GRIA3: variants seen among roughly 807,000 people sequenced by gnomAD.
GRIA3 encodes glutamate ionotropic receptor AMPA type subunit 3, also known as glutamate receptor 3.
In GRIA3, 3 loss-of-function variants were observed where a neutral mutation model predicts 63.0. The observed-to-expected ratio is 0.05, with a 90% CI of 0.02 to 0.12. The LOEUF is 0.12. GRIA3 is among the 10% of genes least tolerant of loss of function. The pLI is 1.00. For synonymous variants in GRIA3, 274 were observed against 257.9 expected (o/e 1.06, Z -0.60); for missense variants, 347 against 700.9 (o/e 0.50, Z 5.70).
At chrX:123,421,958 A>T in intron 11 of GRIA3, among the ~76,000 whole-genome samples, 1 of 111,704 alleles carries the variant, frequency 9.0e-6, no homozygotes, top group Non-Finnish European at 1.9e-5. Flanking sequence ...AGGGAACAGC[A>T]CCCGAAGGAT....
At chrX:123,339,295 A>G (rs1388291871) in intron 4 of GRIA3, among the ~76,000 whole-genome samples, 2 of 112,362 alleles carry the variant, frequency 1.8e-5, no homozygotes, top group Non-Finnish European at 3.8e-5. Context: ...GAAAAAGAAA[A>G]CAGAAGGCTA....
chrX:123,285,429 T>G (rs772906386), intron 3 of GRIA3, among the ~76,000 whole-genome samples: 1 of 109,678 alleles, frequency 9.1e-6, no homozygotes, highest in Admixed American at 9.8e-5. Flanking sequence ...ACAGGATAAA[T>G]GCCGCAATTA....
chrX:123,338,646 G>T (rs1456762041), intron 4 of GRIA3, among the ~76,000 whole-genome samples: 1 of 111,969 alleles, frequency 8.9e-6, no homozygotes, highest in Non-Finnish European at 1.9e-5. Context: ...CGCCTCCCGG[G>T]TTCAAGCAAT....
At chrX:123,471,943 C>G (rs1241999356) in intron 13 of GRIA3, among the ~76,000 whole-genome samples, 1 of 82,250 alleles carries the variant, frequency 1.2e-5, no homozygotes, top group African/African-American at 4.5e-5. Flanking sequence ...TTTCATCTAG[C>G]ATTGAAGCAA....
intron 3 of GRIA3, among the ~76,000 whole-genome samples, chrX:123,275,634 C>A (rs748971944): frequency 2.9e-4 from 33 of 112,239 alleles, no homozygotes; most frequent in Non-Finnish European, 4.7e-4. Context: ...CTAACCACCA[C>A]TGGGCTCTTG....
At chrX:123,370,181 A>G (rs2045238367) in intron 5 of GRIA3, among the ~76,000 whole-genome samples, 1 of 112,040 alleles carries the variant, frequency 8.9e-6, no homozygotes, top group African/African-American at 3.2e-5. Context: ...CAGGATTAGG[A>G]GCCAGCAAAC....
At chrX:123,345,508 C>A (rs1383295538) in intron 4 of GRIA3, among the ~76,000 whole-genome samples, 1 of 105,467 alleles carries the variant, frequency 9.5e-6, no homozygotes, top group Admixed American at 1.0e-4. Context: ...CCTTCCCAAA[C>A]AAGGCTACTG....
rs185547094 is a variant in GRIA3 at position 123,226,050 on chromosome X, G to A, written c.269-27253G>A. 4.5e-5 allele frequency among the ~76,000 whole-genome samples: 5 copies of A among 111,501 alleles called. No individual in the cohort carries two copies. In the East Asian group the frequency reaches 8.5e-4, roughly 19 times the overall value. On this transcript the variant is annotated intron_variant, in intron 2 of 15. Coordinates refer to ENST00000620443, the MANE Select transcript of GRIA3 (RefSeq NM_007325.5). ...GCTTTAAATAGAAACCCTATTTGCT[G>A]AGACAAGACAAACACTTATAGTCTT...
chrX:123,225,000 A>G (rs751645522), intron 2 of GRIA3, among the ~76,000 whole-genome samples: 1 of 111,542 alleles, frequency 9.0e-6, no homozygotes, highest in Non-Finnish European at 1.9e-5. Context: ...TCTGCAAACC[A>G]TAACTGTAGC....
At chrX:123,299,102 C>A (rs113195708) in intron 3 of GRIA3, among the ~76,000 whole-genome samples, 8 of 111,005 alleles carry the variant, frequency 7.2e-5, no homozygotes, top group African/African-American at 2.6e-4. Flanking sequence ...TTTTTTTGCA[C>A]CAGTACCATG....
intron 12 of GRIA3, among the ~76,000 whole-genome samples, chrX:123,452,441 C>T (rs1048546779): frequency 5.4e-5 from 6 of 110,275 alleles, no homozygotes; most frequent in Non-Finnish European, 9.5e-5. Context: ...TTCTTCATTG[C>T]TTTTTTCTCC....
intron 3 of GRIA3, among the ~76,000 whole-genome samples, chrX:123,255,971 C>A (rs1246894294): frequency 9.0e-6 from 1 of 111,151 alleles, no homozygotes; most frequent in Non-Finnish European, 1.9e-5. Flanking sequence ...ATGCCTCAAC[C>A]AACTAACAAA....
At chrX:123,418,793 C>T (rs2045549408) in intron 11 of GRIA3, among the ~76,000 whole-genome samples, 1 of 112,263 alleles carries the variant, frequency 8.9e-6, no homozygotes, top group East Asian at 2.8e-4. Flanking sequence ...CTTTCATCCA[C>T]TAGTAGTGGG....
chrX:123,267,077 C>T (rs1324759987), intron 3 of GRIA3, among the ~76,000 whole-genome samples: 1 of 111,666 alleles, frequency 9.0e-6, no homozygotes, highest in African/African-American at 3.3e-5. Context: ...TTCTTGAAGA[C>T]AAGATTGTTG....
At chrX:123,250,281 T>C (rs2044381985) in intron 2 of GRIA3, among the ~76,000 whole-genome samples, 1 of 111,439 alleles carries the variant, frequency 9.0e-6, no homozygotes, top group Admixed American at 9.5e-5. Context: ...ATGAATGCAA[T>C]AAATAAAATA....
At chrX:123,216,666 C>T (rs1157820153) in intron 2 of GRIA3, among the ~76,000 whole-genome samples, 1 of 111,751 alleles carries the variant, frequency 8.9e-6, no homozygotes, top group Non-Finnish European at 1.9e-5. Context: ...GCCTCCACCA[C>T]CACCACCACT....
intron 2 of GRIA3, among the ~76,000 whole-genome samples, chrX:123,251,417 T>G (rs1414300477): frequency 1.8e-5 from 2 of 111,477 alleles, no homozygotes; most frequent in African/African-American, 6.5e-5. Flanking sequence ...TCTAGTTGGA[T>G]TTTTCCTTTT....
chrX:123,208,257 G>C (rs757612232), intron 2 of GRIA3, among the ~76,000 whole-genome samples: 2 of 112,217 alleles, frequency 1.8e-5, no homozygotes, highest in African/African-American at 3.2e-5. Context: ...CCAGACAGCA[G>C]GATAGGTTAC....
intron 3 of GRIA3, among the ~76,000 whole-genome samples, chrX:123,260,259 G>A (rs1352441824): frequency 9.6e-6 from 1 of 103,647 alleles, no homozygotes; most frequent in Non-Finnish European, 2.0e-5. Context: ...ATTGGTAAGG[G>A]GCTATATTTC....
Sources: allele counts gnomAD v4.1 joint callset (sites outside exome capture counted in the v4.1 genomes callset), GRCh38; gene constraint gnomAD v4.1.1; transcripts MANE v1.5; gene names NCBI Gene and HGNC (gene_info 2026-07-23, HGNC 2026-07-21).